Variants in KCNIP4 observed in about 807,000 individuals in gnomAD.
The protein encoded by KCNIP4 is potassium voltage-gated channel interacting protein 4, also known as Kv channel-interacting protein 4.
Under a neutral mutation model 34.0 loss-of-function variants are expected in KCNIP4, and 12 were observed. That is an observed-to-expected ratio of 0.35 (90% CI 0.23 to 0.57). The LOEUF (loss-of-function observed/expected upper bound fraction) is 0.57, where lower values mean the gene tolerates loss of function less well. Ranked by LOEUF, KCNIP4 falls within the 20% of genes least tolerant of loss-of-function variation. The pLI, the probability that KCNIP4 is intolerant of heterozygous loss-of-function variation, is 0.83. For missense variants in KCNIP4, 238 were observed against 311.7 expected (o/e 0.76, Z 1.78); for synonymous variants, 124 against 102.2 (o/e 1.21, Z -1.29).
chr4:21,833,809 T>C (rs1375348426), intron 1 of KCNIP4, among the ~76,000 whole-genome samples: 1 of 152,232 alleles, frequency 6.6e-6, no homozygotes, highest in Non-Finnish European at 1.5e-5. Flanking sequence ...TTCCTACATA[T>C]GGCTAGCCAG....
chr4:21,853,922 G>A (rs955495808), intron 1 of KCNIP4, among the ~76,000 whole-genome samples: 84 of 152,302 alleles, frequency 5.5e-4, no homozygotes, highest in Admixed American at 7.8e-4. Context: ...AGCATCTAAT[G>A]TTGTCATTAA....
chr4:21,050,320 T>C (rs1001186029), intron 1 of KCNIP4, among the ~76,000 whole-genome samples: 8 of 152,302 alleles, frequency 5.3e-5, no homozygotes, highest in Non-Finnish European at 8.8e-5. Context: ...GTCATAACTG[T>C]AGTTTGACTC....
intron 3 of KCNIP4, among the ~76,000 whole-genome samples, chr4:20,840,506 T>A (rs6447987): frequency 0.39 from 59,194 of 151,874 alleles, 12,052 homozygotes; most frequent in Non-Finnish European, 0.46. Context: ...CTCTGATGGG[T>A]GGAATGTCTG....
intron 2 of KCNIP4, among the ~76,000 whole-genome samples, chr4:20,877,175 G>A (rs989781280): frequency 6.6e-6 from 1 of 152,170 alleles, no homozygotes; most frequent in East Asian, 1.9e-4. Flanking sequence ...TCGCTCTTTG[G>A]TGAGTTGACA....
At position 20,729,184 on chromosome 4, in the gene KCNIP4, T is replaced by C. The variant is rs1319607303; in HGVS notation, c.*898A>G. ...GAAGTCAGGGGAAAGAGGACAGATT[T>C]GGCCTTTAATGCTGTTAGGATTACT... On this transcript the variant is annotated 3_prime_UTR_variant, in exon 9 of 9. Transcript: ENST00000382152. The C allele has an allele frequency of 1.3e-5, 2 of 151,918 alleles. No homozygotes were observed. Among genetic ancestry groups the C allele is most frequent in the African/African-American group, 2.4e-5 (1 of 41,386 alleles). 9.4% of individuals were successfully genotyped at this position (151,918 alleles called of 1,614,324 possible).
intron 1 of KCNIP4, among the ~76,000 whole-genome samples, chr4:21,348,710 A>G (rs939832965): frequency 6.6e-6 from 1 of 152,230 alleles, no homozygotes; most frequent in African/African-American, 2.4e-5. Context: ...GAGCTGCGCT[A>G]TGATATTTTA....
intron 1 of KCNIP4, among the ~76,000 whole-genome samples, chr4:21,255,363 T>A (rs1314133862): frequency 1.3e-5 from 2 of 152,128 alleles, no homozygotes; most frequent in Admixed American, 6.5e-5. Context: ...CTTATACCTA[T>A]CCTTTGTATT....
rs555058862 is a variant in KCNIP4, at chr4:21,668,813, G to A, written c.61+279758C>T. On this transcript the variant is annotated intron_variant, in intron 1 of 8. Coordinates refer to ENST00000382152, the MANE Select transcript of KCNIP4 (RefSeq NM_025221.6). ...TATAATTTATAAATAAATAAACACAGTGAGAAGTATATACTCTCTATTTAT... is the reference window on the plus strand; with the variant it reads ...TATAATTTATAAATAAATAAACACAATGAGAAGTATATACTCTCTATTTAT... Among the ~76,000 whole-genome samples the A allele has an allele frequency of 6.1e-4, 88 of 145,438 alleles. 1 individual carries two copies. Among genetic ancestry groups the A allele is most frequent in the African/African-American group, 2.2e-3 (86 of 39,708 alleles).
At chr4:21,180,641 C>G (rs1754772163) in intron 1 of KCNIP4, among the ~76,000 whole-genome samples, 1 of 150,678 alleles carries the variant, frequency 6.6e-6, no homozygotes, top group Non-Finnish European at 1.5e-5. Context: ...GCAATGGCTT[C>G]TTTCCTCTAA....
intron 2 of KCNIP4, among the ~76,000 whole-genome samples, chr4:20,871,271 G>T (rs986303392): frequency 6.6e-6 from 1 of 152,024 alleles, no homozygotes; most frequent in Non-Finnish European, 1.5e-5. Context: ...CATCGGAGTG[G>T]CAATGTCAAG....
At chr4:21,685,233 A>G (rs964840810) in intron 1 of KCNIP4, among the ~76,000 whole-genome samples, 2 of 152,206 alleles carry the variant, frequency 1.3e-5, no homozygotes, top group African/African-American at 4.8e-5. Context: ...ATAATACACT[A>G]CACCGATTTA....
At chr4:21,071,896 G>A (rs1744970759) in intron 1 of KCNIP4, among the ~76,000 whole-genome samples, 1 of 152,060 alleles carries the variant, frequency 6.6e-6, no homozygotes, top group Middle Eastern at 3.2e-3. Context: ...TGTGGTGTTT[G>A]GTTTTTTGTC....
At chr4:20,948,848 C>T (rs1489553797) in intron 1 of KCNIP4, among the ~76,000 whole-genome samples, 2 of 152,110 alleles carry the variant, frequency 1.3e-5, no homozygotes, top group African/African-American at 4.8e-5. Flanking sequence ...TATGTTATTA[C>T]CATATACCAT....
At chr4:21,750,871 A>G (rs187761709) in intron 1 of KCNIP4, among the ~76,000 whole-genome samples, 2 of 152,236 alleles carry the variant, frequency 1.3e-5, no homozygotes, top group African/African-American at 4.8e-5. Flanking sequence ...CTGGCCCCAA[A>G]CACACAACTC....
At chr4:20,900,318 C>G (rs757289859) in intron 1 of KCNIP4, among the ~76,000 whole-genome samples, 1 of 152,032 alleles carries the variant, frequency 6.6e-6, no homozygotes, top group Non-Finnish European at 1.5e-5. Context: ...GAAATGAAAC[C>G]CGGGGATGAT....
chr4:20,904,390 A>G (rs1447430975), intron 1 of KCNIP4, among the ~76,000 whole-genome samples: 1 of 150,628 alleles, frequency 6.6e-6, no homozygotes, highest in Non-Finnish European at 1.5e-5. Flanking sequence ...GGAAAGTTAT[A>G]TGGGCATAAA....
chr4:20,743,054 G>T (rs1302708778), intron 5 of KCNIP4, among the ~76,000 whole-genome samples: 1 of 123,364 alleles, frequency 8.1e-6, no homozygotes, highest in Non-Finnish European at 1.7e-5. Context: ...TTATAAGGGT[G>T]TGAAGGACCC....
chr4:21,483,420 G>A (rs929503565), intron 1 of KCNIP4, among the ~76,000 whole-genome samples: 1 of 151,990 alleles, frequency 6.6e-6, no homozygotes, highest in South Asian at 2.1e-4. Flanking sequence ...TTGAATCATG[G>A]GGGGAGTTTC....
rs748620362 is a variant in KCNIP4, at chr4:21,518,807, GA to G, written c.61+429763del. Among the ~76,000 whole-genome samples, 104 of 152,222 alleles carry G rather than the reference GA, an allele frequency of 6.8e-4. 1 individual carries two copies. The highest frequency in any genetic ancestry group is 4.1e-3 in the Admixed American group (63 of 15,278). On this transcript the variant is annotated intron_variant, in intron 1 of 8. Transcript: ENST00000382152. ...CTGCCAGGATATTTTCGGGGACACT[GA>G]AACAGCTCCTTGATAAACCCCTGCA... is the stretch of plus-strand genomic sequence containing the variant.
Sources: allele counts gnomAD v4.1 joint callset (sites outside exome capture counted in the v4.1 genomes callset), GRCh38; gene constraint gnomAD v4.1.1; transcripts MANE v1.5; gene names NCBI Gene and HGNC (gene_info 2026-07-23, HGNC 2026-07-21).